The following LRIG2 variants were observed in gnomAD, a reference collection of about 807,000 sequenced individuals.
LRIG2 encodes leucine-rich repeats and immunoglobulin-like domains protein 2.
In LRIG2, 93 loss-of-function variants were observed where a neutral mutation model predicts 107.8. The ratio of observed to expected loss-of-function variants is 0.86; its 90% CI spans 0.73 to 1.03. The LOEUF is 1.03. Among genes scored for constraint, LRIG2 ranks in the 50% least tolerant of loss-of-function variants. LRIG2 has a pLI of 0.00. For synonymous variants in LRIG2, 471 were observed against 470.6 expected (o/e 1.00, Z -0.01); for missense variants, 1,226 against 1,296.0 (o/e 0.95, Z 0.83).
chr1:113,084,514 A>C (rs2101022805), intron 1 of LRIG2, among the ~76,000 whole-genome samples: 1 of 152,238 alleles, frequency 6.6e-6, no homozygotes, highest in South Asian at 2.1e-4. Flanking sequence ...CGCGCCCGGC[A>C]TACTTAATTC....
At chr1:113,114,396 A>G (rs775439969) in intron 14 of LRIG2, 31 bp from the exon 15 acceptor site, 2 of 1,173,300 alleles carry the variant, frequency 1.7e-6, no homozygotes, top group African/African-American at 3.2e-5. Flanking sequence ...CTAACTTTTC[A>G]TTTTTTTTTT....
chr1:113,120,183 C>A (rs1374604742), intron 17 of LRIG2, among the ~76,000 whole-genome samples: 1 of 151,862 alleles, frequency 6.6e-6, no homozygotes, highest in Non-Finnish European at 1.5e-5. Context: ...GGCACAGTGG[C>A]TCACGCCTGT....
In LRIG2 at chr1:113,130,455, G is replaced by C. The variant is rs537903339; in HGVS notation, c.*6354G>C. On this transcript the variant is annotated 3_prime_UTR_variant, in exon 18 of 18. Coordinates refer to ENST00000361127, the MANE Select transcript of LRIG2 (RefSeq NM_014813.3). The stretch of plus-strand genomic sequence containing the variant: ...AATAAGAATTCTATTCCAGAAGACA[G>C]AGTTATACACAGGGAGGTGTATTAT... The C allele has an allele frequency of 2.0e-5, 3 of 152,320 alleles. No individual in the cohort carries two copies. In the South Asian group the frequency reaches 6.2e-4, roughly 32 times the overall value. The allele number at this position is 152,320 out of a possible 1,614,324, so 9.4% of individuals were successfully genotyped here.
chr1:113,110,810 T>C (rs1359585920), intron 13 of LRIG2, among the ~76,000 whole-genome samples: 1 of 152,186 alleles, frequency 6.6e-6, no homozygotes, highest in African/African-American at 2.4e-5. Flanking sequence ...CTACTTTCAC[T>C]GCTGTTTATG....
At chr1:113,076,315 C>T (rs1652982161) in intron 1 of LRIG2, among the ~76,000 whole-genome samples, 2 of 152,182 alleles carry the variant, frequency 1.3e-5, no homozygotes, top group Non-Finnish European at 2.9e-5. Context: ...CACAGCCGGG[C>T]CTACATTTAA....
intron 1 of LRIG2, among the ~76,000 whole-genome samples, chr1:113,075,168 T>A (rs550464421): frequency 6.6e-6 from 1 of 151,232 alleles, no homozygotes; most frequent in Non-Finnish European, 1.5e-5. Context: ...GCCGAGATCG[T>A]GCCATTGCAC....
At chr1:113,091,906 T>C (rs969017344) in intron 2 of LRIG2, among the ~76,000 whole-genome samples, 2 of 152,252 alleles carry the variant, frequency 1.3e-5, no homozygotes, top group African/African-American at 4.8e-5. Context: ...ATTATTAATA[T>C]TAGTTTTTGC....
At chr1:113,084,517 CTTAA>C (rs1285546348) in intron 1 of LRIG2, among the ~76,000 whole-genome samples, 1 of 152,122 alleles carries the variant, frequency 6.6e-6, no homozygotes, top group Non-Finnish European at 1.5e-5. Flanking sequence ...GCCCGGCATA[CTTAA>C]TTCTTTAAAA....
chr1:113,104,388 T>C (rs1188014097), intron 11 of LRIG2, among the ~76,000 whole-genome samples: 1 of 152,106 alleles, frequency 6.6e-6, no homozygotes, highest in African/African-American at 2.4e-5. Context: ...ATGACTTGGG[T>C]TGAAAAGGAA....
chr1:113,092,530 GAGAA>G (rs1252516723), intron 2 of LRIG2, among the ~76,000 whole-genome samples: 2 of 132,902 alleles, frequency 1.5e-5, no homozygotes, highest in African/African-American at 2.7e-5. Flanking sequence ...TATATATTTA[GAGAA>G]AGAGAGATCT....
intron 12 of LRIG2, among the ~76,000 whole-genome samples, chr1:113,108,500 A>G (rs1341122211): frequency 2.6e-5 from 4 of 151,618 alleles, no homozygotes; most frequent in African/African-American, 9.7e-5. Flanking sequence ...CTGGGATTAC[A>G]GGTGTGAGCC....
At chr1:113,091,727 G>T (rs900853941) in intron 2 of LRIG2, among the ~76,000 whole-genome samples, 1 of 152,168 alleles carries the variant, frequency 6.6e-6, no homozygotes, top group South Asian at 2.1e-4. Flanking sequence ...GTCTTGACAT[G>T]TTATCTAAGA....
At chr1:113,085,202 G>A (rs1246796155) in intron 1 of LRIG2, among the ~76,000 whole-genome samples, 1 of 152,220 alleles carries the variant, frequency 6.6e-6, no homozygotes, top group African/African-American at 2.4e-5. Context: ...TGGGTGATTA[G>A]CAGTTTTAAA....
At chr1:113,098,171 G>A (rs1022391160) in intron 8 of LRIG2, among the ~76,000 whole-genome samples, 15 of 152,076 alleles carry the variant, frequency 9.9e-5, no homozygotes, top group Admixed American at 1.3e-4. Context: ...CTGATGACAC[G>A]CTAACACATG....
In LRIG2 at chr1:113,096,429, T is replaced by A; in HGVS notation, c.1091+64T>A. On this transcript the variant is annotated intron_variant, in intron 8 of 17. Transcript: ENST00000361127. Reference sequence around the variant, plus strand: ...ATTTTTTTAGTACAATAAAGCAAATTAATTAAAACAACTAATCAGTCTGCA... The same window carrying A: ...ATTTTTTTAGTACAATAAAGCAAATAAATTAAAACAACTAATCAGTCTGCA... 4 of 1,517,644 alleles carry A rather than the reference T, an allele frequency of 2.6e-6. No individual in the cohort carries two copies. In the East Asian group the frequency reaches 9.0e-5, roughly 34 times the overall value. The allele number at this position is 1,517,644 out of a possible 1,614,324, so 94.0% of individuals were successfully genotyped here.
At chr1:113,099,024 A>G (rs1654189509) in intron 9 of LRIG2, among the ~76,000 whole-genome samples, 1 of 151,664 alleles carries the variant, frequency 6.6e-6, no homozygotes, top group Admixed American at 6.6e-5. Flanking sequence ...TCTGCCTCCT[A>G]GGTCCTGGTT....
chr1:113,080,181 C>A (rs1015356632), intron 1 of LRIG2, among the ~76,000 whole-genome samples: 6 of 149,506 alleles, frequency 4.0e-5, no homozygotes, highest in African/African-American at 1.2e-4. Context: ...CCACCTCACC[C>A]AGCTAATTTT....
rs1240238868 is a variant in LRIG2 at position 113,127,420 on chromosome 1, T to TG, written c.*3323dup. On this transcript the variant is annotated 3_prime_UTR_variant, in exon 18 of 18. Coordinates refer to ENST00000361127, the MANE Select transcript of LRIG2 (RefSeq NM_014813.3). ...TTTTTTTTGATATTTTTAGTAGAGA[T>TG]GGGGTTTCACCATGTTGGCCAGGCT... 3.7e-5 allele frequency: 5 copies of TG among 133,866 alleles called. No homozygotes were observed. Among genetic ancestry groups the TG allele is most frequent in the African/African-American group, 1.1e-4 (4 of 35,444 alleles). 8.3% of individuals were successfully genotyped at this position (133,866 alleles called of 1,614,324 possible). A position where few individuals can be genotyped will look rare whatever the true frequency, so the allele number is the denominator to read the frequency against.
chr1:113,096,095 T>G, intron 7 of LRIG2, 78 bp downstream of exon 7: 1 of 1,591,106 alleles, frequency 6.3e-7, no homozygotes, highest in African/African-American at 1.3e-5. Flanking sequence ...TGGGCAGTAA[T>G]GAGATGTAAC....
Sources: gnomAD v4.1 joint callset for allele counts (sites outside exome capture counted in the v4.1 genomes callset) on GRCh38, gnomAD v4.1.1 for gene constraint, MANE v1.5 for transcripts, NCBI Gene and HGNC (gene_info 2026-07-23, HGNC 2026-07-21) for gene names.